RTEL1: variants seen among roughly 807,000 people sequenced by gnomAD.
RTEL1 encodes the protein regulator of telomere elongation helicase 1, also known as regulator of telomere length.
RTEL1 carries 86 observed loss-of-function variants against 162.2 expected under a neutral mutation model. That is an observed-to-expected ratio of 0.53 (90% CI 0.45 to 0.63). The LOEUF is 0.63. Among genes scored for constraint, RTEL1 ranks in the 30% least tolerant of loss-of-function variants. The pLI, the probability that RTEL1 is intolerant of heterozygous loss-of-function variation, is 0.00. For synonymous variants in RTEL1, 958 were observed against 717.9 expected (o/e 1.33, Z -5.35); for missense variants, 1,941 against 1,750.2 (o/e 1.11, Z -1.95).
intron 5 of RTEL1, 56 bp downstream of exon 5, chr20:63,662,683 T>C: frequency 1.9e-6 from 3 of 1,608,680 alleles, no homozygotes; most frequent in Non-Finnish European, 2.6e-6. Context: ...TGCTGCTGGG[T>C]GTCCAGAGCC....
chr20:63,667,102 G>A (rs971193977), intron 7 of RTEL1, among the ~76,000 whole-genome samples: 3 of 152,298 alleles, frequency 2.0e-5, no homozygotes, highest in Admixed American at 6.5e-5. Context: ...GCCTCCCAAA[G>A]TGCTGGGATT....
chr20:63,662,406 C>A, intron 4 of RTEL1, 140 bp from the exon 5 acceptor site: 1 of 1,536,708 alleles, frequency 6.5e-7, no homozygotes, highest in Non-Finnish European at 8.8e-7. Context: ...CTCCCTCCTA[C>A]GCCCGGGCCA....
rs768967715 is a variant in RTEL1 at position 63,692,915 on chromosome 20, C to T, written c.2763C>T (p.Asp921=). Residue 921 remains aspartate, a synonymous_variant, in exon 29 of 35, where the codon GAC becomes GAT. Coordinates refer to ENST00000360203, the MANE Select transcript of RTEL1 (RefSeq NM_001283009.2). ...CCACCTTCACCCAGGCCCTGCAGGA[C>T]TACAAGGGTTCCGATGACTTCGCCG... ...NFATFTQALQ[D]YKGSDDFAAL... 5 of 1,612,686 alleles carry T rather than the reference C, an allele frequency of 3.1e-6. No individual in the cohort carries two copies. The African/African-American group carries it at 5.3e-5, about 17-fold the overall frequency.
chr20:63,671,630 C>T (rs908759705), intron 8 of RTEL1, among the ~76,000 whole-genome samples: 2 of 150,930 alleles, frequency 1.3e-5, no homozygotes, highest in East Asian at 1.9e-4. Flanking sequence ...TACAGGCGCC[C>T]GCCACCACGC....
chr20:63,666,209 A>G (rs2090124321), intron 7 of RTEL1, 130 bp downstream of exon 7: 2 of 737,926 alleles, frequency 2.7e-6, no homozygotes, highest in Admixed American at 5.7e-5. Context: ...ACCACCATTC[A>G]GTACGAAAAA....
chr20:63,692,219 C>T (rs1483271605), intron 28 of RTEL1: 5 of 231,018 alleles, frequency 2.2e-5, no homozygotes, highest in Non-Finnish European at 4.3e-5. Context: ...GCTGGAAAAC[C>T]CCAAGTGTGG....
rs868853010 is a variant in RTEL1 at position 63,666,776 on chromosome 20, T to C, written c.615-693T>C. Among the ~76,000 whole-genome samples, 16 of 151,534 alleles carry C rather than the reference T, an allele frequency of 1.1e-4. No homozygotes were observed. In the South Asian group the frequency reaches 2.3e-3, roughly 22 times the overall value. ...GTCTCCTGAGCTCGAGAGTTCCACC[T>C]GCCTTGGCCTCCCAAAGTGCTGGGA... On this transcript the variant is annotated intron_variant, in intron 7 of 34. Coordinates refer to ENST00000360203, the MANE Select transcript of RTEL1 (RefSeq NM_001283009.2).
At position 63,691,501 on chromosome 20, in the gene RTEL1, C is replaced by T. The variant is rs566293092; in HGVS notation, c.2557-241C>T. Among the ~76,000 whole-genome samples, 4 of 152,208 alleles carry T rather than the reference C, an allele frequency of 2.6e-5. No homozygotes were observed. In the South Asian group the frequency reaches 8.3e-4, roughly 32 times the overall value. On this transcript the variant is annotated intron_variant, in intron 27 of 34. Transcript: ENST00000360203. ...CTTCCTGCCAGCCCCTCGCTGTGGT[C>T]GGACTGTCTTCCCTGGACCTGCTCT...
chr20:63,689,968 C>T lies in RTEL1; in HGVS notation c.2141+103C>T, dbSNP rs542840091. 11 of 1,551,408 alleles carry T rather than the reference C, an allele frequency of 7.1e-6. No homozygotes were observed. The East Asian group carries it at 2.0e-4, about 29-fold the overall frequency. ...ACATGAGGCCCCGTCTCCTCCAGAG[C>T]CTCTCCGGCTACTCGGGGTCAGCGT... On this transcript the variant is annotated intron_variant, in intron 24 of 34. Coordinates refer to ENST00000360203, the MANE Select transcript of RTEL1 (RefSeq NM_001283009.2).
In RTEL1 at chr20:63,690,354, G is replaced by A. The variant is rs746677388; in HGVS notation, c.2326G>A (p.Glu776Lys). The A allele has an allele frequency of 2.6e-5, 42 of 1,611,672 alleles. No homozygotes were observed. The highest frequency in any genetic ancestry group is 1.6e-4 in the Middle Eastern group (1 of 6,076). ...TGTGCGTGGAGAAGATGCTGTCAGC[G>A]AGGCCAAGTCGCCTGGCCCCTTCTT... is the stretch of plus-strand genomic sequence containing the variant. ...PSVRGEDAVS[E>K]AKSPGPFFST... The change falls in exon 26 of 35, where the codon GAG becomes AAG. Residue 776 changes from glutamate to lysine, a missense_variant. Coordinates refer to ENST00000360203, the MANE Select transcript of RTEL1 (RefSeq NM_001283009.2).
At position 63,693,462 on chromosome 20, in the gene RTEL1, T is replaced by TCCACCTCCACCACCTCCACCACCA. The variant is rs2090835857; in HGVS notation, c.2992+190_2992+191insACCTCCACCACCACCACCTCCACC. ...CAGCACCAGCAGCACCACCTCCACC[T>TCCACCTCCACCACCTCCACCACCA]CCACCTCCACCTCCACCTCCACCAC... On this transcript the variant is annotated intron_variant, in intron 30 of 34. Transcript: ENST00000360203. Among the ~76,000 whole-genome samples the TCCACCTCCACCACCTCCACCACCA allele has an allele frequency of 5.2e-4, 5 of 9,550 alleles. 1 individual carries two copies. Among genetic ancestry groups the TCCACCTCCACCACCTCCACCACCA allele is most frequent in the Admixed American group, 2.9e-3 (2 of 694 alleles). 6.3% of individuals were successfully genotyped at this position (9,550 alleles called of 152,430 possible).
chr20:63,695,460 G>A lies in RTEL1; in HGVS notation c.3632G>A (p.Gly1211Glu). The change falls in exon 34 of 35, where the codon GGG becomes GAG. Residue 1211 changes from glycine (G) to glutamate (E), a missense_variant. Physicochemically the swap from Gly to Glu is moderately conservative, Grantham distance 98. Transcript: ENST00000360203. The stretch of plus-strand genomic sequence containing the variant: ...AGCCAGTCCTCAGGACCTCCCCACG[G>A]GCCTGCAGCATCTGAGTGGGGTGAG... Reference protein sequence around the residue: ...GPSQSSGPPHGPAASEWGEPH... With the variant: ...GPSQSSGPPHEPAASEWGEPH... The A allele has an allele frequency of 6.3e-7, 1 of 1,596,366 alleles. No individual in the cohort carries two copies. The highest frequency in any genetic ancestry group is 1.1e-5 in the South Asian group (1 of 88,090).
chr20:63,675,133 G>A (rs991953470), intron 10 of RTEL1, among the ~76,000 whole-genome samples: 7 of 152,126 alleles, frequency 4.6e-5, no homozygotes, highest in African/African-American at 1.7e-4. Flanking sequence ...TCGAACTCCT[G>A]ACCTCACGTG....
chr20:63,668,355 A>T lies in RTEL1; in HGVS notation c.699+802A>T, dbSNP rs1241948545. ...GGTGTATATTTATTGAGAGCTCATC[A>T]TGCTGGGTGCTATTCCAGGCATAGC... On this transcript the variant is annotated intron_variant, in intron 8 of 34. Transcript: ENST00000360203. The surrounding 1 kb of genome is among the most constrained non-coding windows in gnomAD (Gnocchi z 4.3). Among the ~76,000 whole-genome samples the T allele has an allele frequency of 6.6e-6, 1 of 152,212 alleles. No individual in the cohort carries two copies. Among genetic ancestry groups the T allele is most frequent in the Non-Finnish European group, 1.5e-5 (1 of 68,044 alleles).
chr20:63,680,046 C>A, intron 13 of RTEL1, 100 bp downstream of exon 13: 1 of 784,852 alleles, frequency 1.3e-6, no homozygotes, highest in Non-Finnish European at 2.0e-6. Context: ...CGTCACCTGG[C>A]CGTCAGCAGG....
chr20:63,691,689 C>G, intron 27 of RTEL1, 53 bp from the exon 28 acceptor site: 1 of 1,514,668 alleles, frequency 6.6e-7, no homozygotes, highest in East Asian at 2.3e-5. Context: ...GCTTTGGGAC[C>G]CCAGAGTGTG....
intron 9 of RTEL1, 85 bp from the exon 10 acceptor site, chr20:63,673,855 C>T: frequency 1.3e-6 from 2 of 1,481,922 alleles, no homozygotes; most frequent in East Asian, 2.3e-5. Flanking sequence ...CCTCCTGTGC[C>T]TTCTGCACCC....
intron 15 of RTEL1, 63 bp downstream of exon 15, chr20:63,685,660 C>T: frequency 1.9e-6 from 3 of 1,590,776 alleles, no homozygotes; most frequent in Non-Finnish European, 2.6e-6. Context: ...GGCTGGGGGC[C>T]TTACAGTCCT....
chr20:63,694,937 G>T lies in RTEL1; in HGVS notation c.3306G>T (p.Leu1102=). The T allele has an allele frequency of 6.2e-7, 1 of 1,612,592 alleles. No individual in the cohort carries two copies. Among genetic ancestry groups the T allele is most frequent in the South Asian group, 1.1e-5 (1 of 91,078 alleles). Residue 1102 remains leucine (L), a synonymous_variant, in exon 32 of 35, where the codon CTG becomes CTT. Coordinates refer to ENST00000360203, the MANE Select transcript of RTEL1 (RefSeq NM_001283009.2). ...AGGTGCTGGCTGTGTTGGCCGCCCTGACCACTGCAAAGCCAGAGGACTTCC... is the reference window on the plus strand; with the variant it reads ...AGGTGCTGGCTGTGTTGGCCGCCCTTACCACTGCAAAGCCAGAGGACTTCC... ...LDKVLAVLAA[L]TTAKPEDFPL...
Sources: gnomAD v4.1 joint callset for allele counts (sites outside exome capture counted in the v4.1 genomes callset) on GRCh38, gnomAD v4.1.1 for gene constraint, Gnocchi (gnomAD v3.1) non-coding constraint, MANE v1.5 for transcripts, NCBI Gene and HGNC (gene_info 2026-07-23, HGNC 2026-07-21) for gene names.